Variants in LARGE1 observed in about 807,000 individuals in gnomAD.
LARGE1 encodes LARGE xylosyl- and glucuronyltransferase 1, also known as xylosyl- and glucuronyltransferase LARGE1.
Under a neutral mutation model 87.6 loss-of-function variants are expected in LARGE1, and 43 were observed. The ratio of observed to expected loss-of-function variants is 0.49; its 90% CI spans 0.38 to 0.63. LARGE1 has a LOEUF of 0.63. LARGE1 is among the 30% of genes least tolerant of loss of function. The probability of loss-of-function intolerance (pLI) is 0.00; values close to 1 mark genes in which losing one functional copy is unlikely to be tolerated. For synonymous variants in LARGE1, 434 were observed against 394.6 expected, an observed-to-expected ratio of 1.10 and a Z score of -1.18; for missense variants, 802 against 1,000.2, an observed-to-expected ratio of 0.80 and a Z score of 2.67.
chr22:33,572,577 C>T (rs915953829), intron 5 of LARGE1, among the ~76,000 whole-genome samples: 1 of 152,188 alleles, frequency 6.6e-6, no homozygotes, highest in African/African-American at 2.4e-5. Flanking sequence ...ATGCTTGCCA[C>T]ATCAGGGCTC....
At chr22:33,751,168 T>C (rs1402428501) in intron 2 of LARGE1, among the ~76,000 whole-genome samples, 2 of 152,188 alleles carry the variant, frequency 1.3e-5, no homozygotes, top group South Asian at 2.1e-4. Context: ...CCCAGCTATA[T>C]AGTCATCACA....
chr22:33,585,079 T>C (rs2078632297), intron 5 of LARGE1, among the ~76,000 whole-genome samples: 2 of 152,142 alleles, frequency 1.3e-5, no homozygotes, highest in African/African-American at 4.8e-5. Flanking sequence ...ATCGCACCAC[T>C]GCATTCCAGC....
chr22:33,597,825 T>C (rs1484768845), intron 5 of LARGE1, among the ~76,000 whole-genome samples: 2 of 152,126 alleles, frequency 1.3e-5, no homozygotes, highest in African/African-American at 4.8e-5. Context: ...CAAAGGCTGG[T>C]AGACATGTAG....
intron 6 of LARGE1, among the ~76,000 whole-genome samples, chr22:33,459,151 G>C (rs757956905): frequency 5.9e-5 from 9 of 152,024 alleles, no homozygotes; most frequent in Non-Finnish European, 1.2e-4. Flanking sequence ...ACAGACCCTG[G>C]TGTGTGTTAT....
At chr22:33,774,977 T>C (rs2085188315) in intron 1 of LARGE1, among the ~76,000 whole-genome samples, 1 of 152,100 alleles carries the variant, frequency 6.6e-6, no homozygotes, top group Admixed American at 6.6e-5. Context: ...GCTGGATAAA[T>C]AGCAGCAGGA....
At chr22:33,786,975 T>G (rs1427689273) in intron 1 of LARGE1, among the ~76,000 whole-genome samples, 3 of 149,604 alleles carry the variant, frequency 2.0e-5, no homozygotes, top group Admixed American at 2.0e-4. Context: ...GAGGCGAAAT[T>G]GTGCCACTGC....
At chr22:33,826,889 A>T (rs543992228) in intron 1 of LARGE1, among the ~76,000 whole-genome samples, 1 of 152,304 alleles carries the variant, frequency 6.6e-6, no homozygotes, top group Non-Finnish European at 1.5e-5. Context: ...GATAAATGAG[A>T]GTCAACACCC....
intron 6 of LARGE1, among the ~76,000 whole-genome samples, chr22:33,474,582 C>T (rs1487622270): frequency 6.6e-6 from 1 of 152,238 alleles, no homozygotes; most frequent in Non-Finnish European, 1.5e-5. Flanking sequence ...TGCCTGCCTT[C>T]CACCTGCATA....
At chr22:33,770,240 T>G (rs1227321485) in intron 1 of LARGE1, among the ~76,000 whole-genome samples, 1 of 152,250 alleles carries the variant, frequency 6.6e-6, no homozygotes, top group Non-Finnish European at 1.5e-5. Context: ...GTGTAACTCA[T>G]CCTCAGATCA....
At chr22:33,335,205 T>C (rs1213681912) in intron 10 of LARGE1, among the ~76,000 whole-genome samples, 1 of 152,242 alleles carries the variant, frequency 6.6e-6, no homozygotes, top group Middle Eastern at 3.2e-3. Flanking sequence ...TGATACATAC[T>C]GATGTGAGCA....
chr22:33,091,083 C>T, the LARGE1 span, among the ~76,000 whole-genome samples: 395 of 152,308 alleles, frequency 2.6e-3, no homozygotes, highest in African/African-American at 9.0e-3. Context: ...TATTCGAAGA[C>T]GATTGCCATA....
chr22:33,326,362 A>T (rs1048675713), intron 10 of LARGE1, among the ~76,000 whole-genome samples: 1 of 152,198 alleles, frequency 6.6e-6, no homozygotes, highest in African/African-American at 2.4e-5. Flanking sequence ...CACTTGTATT[A>T]TTCCTATGGT....
intron 5 of LARGE1, chr22:33,572,199 T>TA (rs771746178): frequency 2.6e-5 from 34 of 1,290,944 alleles, no homozygotes; most frequent in Middle Eastern, 2.1e-4. Context: ...TTTAAAAAAT[T>TA]AAAAAAAGAA....
chr22:33,830,091 C>T (rs992182155), intron 1 of LARGE1, among the ~76,000 whole-genome samples: 31 of 152,118 alleles, frequency 2.0e-4, no homozygotes, highest in Admixed American at 2.0e-3. Flanking sequence ...TCAACAAGGT[C>T]CTTTGGGCCG....
intron 2 of LARGE1, among the ~76,000 whole-genome samples, chr22:33,705,874 G>T (rs925188689): frequency 1.3e-5 from 2 of 152,178 alleles, no homozygotes; most frequent in African/African-American, 4.8e-5. Flanking sequence ...ATACGTGCAG[G>T]CATTGTGTAA....
chr22:33,332,252 C>T (rs1937815608), intron 10 of LARGE1, among the ~76,000 whole-genome samples: 1 of 152,112 alleles, frequency 6.6e-6, no homozygotes, highest in Non-Finnish European at 1.5e-5. Context: ...CTATACTGGT[C>T]TCATGATAGT....
At chr22:33,179,413 G>GT (rs80287318) in intron 11 of LARGE1, among the ~76,000 whole-genome samples, 25,383 of 152,118 alleles carry the variant, frequency 0.17, 2,271 homozygotes, top group South Asian at 0.32. Context: ...TAAGGACAAG[G>GT]TTAATGACAC....
At chr22:33,662,042 T>TA (rs1313011401) in intron 2 of LARGE1, among the ~76,000 whole-genome samples, 1 of 45,020 alleles carries the variant, frequency 2.2e-5, no homozygotes, top group South Asian at 7.1e-4. Context: ...GGGCCACACA[T>TA]AAAAAACACT....
intron 2 of LARGE1, among the ~76,000 whole-genome samples, chr22:33,734,858 C>T (rs1242143588): frequency 6.6e-6 from 1 of 152,104 alleles, no homozygotes; most frequent in Non-Finnish European, 1.5e-5. Context: ...ATCTTCCATG[C>T]TACCTCTGGC....
Sources: allele counts gnomAD v4.1 joint callset (sites outside exome capture counted in the v4.1 genomes callset), GRCh38; gene constraint gnomAD v4.1.1; transcripts MANE v1.5; gene names NCBI Gene and HGNC (gene_info 2026-07-23, HGNC 2026-07-21).